STK3: variants seen among roughly 807,000 people sequenced by gnomAD.
The protein encoded by STK3 is serine/threonine-protein kinase 3.
STK3 carries 41 observed loss-of-function variants against 58.0 expected under a neutral mutation model. The observed-to-expected ratio is 0.71, with a 90% CI of 0.55 to 0.92. The LOEUF (loss-of-function observed/expected upper bound fraction) is 0.92, where lower values mean the gene tolerates loss of function less well. Ranked by LOEUF, STK3 falls within the 40% of genes least tolerant of loss-of-function variation. The pLI is 0.00. For synonymous variants in STK3, 170 were observed against 191.0 expected (o/e 0.89, Z 0.91); for missense variants, 479 against 602.7 (o/e 0.79, Z 2.15).
chr8:98,673,849 C>T (rs1823007154), intron 6 of STK3, among the ~76,000 whole-genome samples: 1 of 152,084 alleles, frequency 6.6e-6, no homozygotes, highest in South Asian at 2.1e-4. Flanking sequence ...AGCAGTGATA[C>T]AAAATGAGTT....
chr8:98,738,111 C>A (rs1054269306), intron 4 of STK3, among the ~76,000 whole-genome samples: 1 of 152,180 alleles, frequency 6.6e-6, no homozygotes, highest in Non-Finnish European at 1.5e-5. Context: ...TTAGTTAACA[C>A]AAATTATGAG....
At chr8:98,512,164 T>C (rs909567147) in intron 10 of STK3, among the ~76,000 whole-genome samples, 3 of 150,774 alleles carry the variant, frequency 2.0e-5, no homozygotes, top group African/African-American at 7.3e-5. Flanking sequence ...ATGTTCCCCC[T>C]CCTGTGTCCA....
intron 3 of STK3, chr8:98,413,743 G>A (rs1818083124): frequency 1.4e-6 from 1 of 739,804 alleles, no homozygotes; most frequent in South Asian, 1.4e-5. Flanking sequence ...ACCTTGGTCA[G>A]GTCATGCCTG....
intron 3 of STK3, among the ~76,000 whole-genome samples, chr8:98,760,504 C>A (rs1472011348): frequency 6.6e-6 from 1 of 151,802 alleles, no homozygotes. Context: ...GGTGGAAGAA[C>A]CAGGAAAACA....
intron 3 of STK3, among the ~76,000 whole-genome samples, chr8:98,424,385 G>A (rs1188305903): frequency 1.3e-5 from 2 of 152,184 alleles, no homozygotes. Context: ...TGTTGGCACA[G>A]CTCTCTCAGC....
At chr8:98,389,954 C>G (rs774124343), upstream of STK3, among the ~76,000 whole-genome samples, 23 of 151,974 alleles carry the variant, frequency 1.5e-4, no homozygotes, top group Non-Finnish European at 2.8e-4. Flanking sequence ...TTGACATGAT[C>G]TCACTTTCTG....
intron 6 of STK3, among the ~76,000 whole-genome samples, chr8:98,641,539 G>A (rs1003885858): frequency 1.3e-5 from 2 of 152,112 alleles, no homozygotes; most frequent in African/African-American, 4.8e-5. Context: ...ACATATATTA[G>A]TGAACAAAAG....
intron 2 of STK3, among the ~76,000 whole-genome samples, chr8:98,374,477 A>C (rs975034019): frequency 3.9e-5 from 6 of 152,256 alleles, no homozygotes; most frequent in Admixed American, 3.9e-4. Flanking sequence ...ACATTAGTTC[A>C]AATGTGAACA....
chr8:98,711,699 G>C (rs917695048), intron 4 of STK3, among the ~76,000 whole-genome samples: 1 of 152,186 alleles, frequency 6.6e-6, no homozygotes, highest in African/African-American at 2.4e-5. Context: ...AACCAAGTTG[G>C]AAAACACTCC....
At chr8:98,783,123 G>A (rs974068134) in intron 1 of STK3, among the ~76,000 whole-genome samples, 2 of 151,954 alleles carry the variant, frequency 1.3e-5, no homozygotes, top group African/African-American at 4.8e-5. Context: ...AAGACATATA[G>A]GCATATCTCA....
At chr8:98,814,853 G>C (rs894032046) in intron 1 of STK3, among the ~76,000 whole-genome samples, 3 of 151,942 alleles carry the variant, frequency 2.0e-5, no homozygotes, top group Non-Finnish European at 4.4e-5. Context: ...GCTAATTTTT[G>C]TATTTTTTTG....
At chr8:98,763,511 C>A (rs1028544714) in intron 3 of STK3, among the ~76,000 whole-genome samples, 1 of 151,992 alleles carries the variant, frequency 6.6e-6, no homozygotes, top group Non-Finnish European at 1.5e-5. Flanking sequence ...ATCTCATTTT[C>A]CCTATCAAAA....
chr8:98,544,649 A>AACACACACACACAC, intron 9 of STK3, among the ~76,000 whole-genome samples: 1 of 137,600 alleles, frequency 7.3e-6, no homozygotes, highest in East Asian at 2.2e-4. Flanking sequence ...ATTCTACTAT[A>AACACACACACACAC]ACACACACAC....
chr8:98,498,665 A>C (rs567262956), intron 10 of STK3, among the ~76,000 whole-genome samples: 4 of 152,296 alleles, frequency 2.6e-5, no homozygotes, highest in African/African-American at 9.6e-5. Context: ...ATAAGTCCTC[A>C]TCTTTCTTGG....
intron 10 of STK3, among the ~76,000 whole-genome samples, chr8:98,496,895 A>C (rs1823174665): frequency 6.6e-6 from 1 of 152,148 alleles, no homozygotes; most frequent in African/African-American, 2.4e-5. Context: ...TCTCATAACA[A>C]TGTGAATATA....
chr8:98,634,926 G>T (rs10755896), intron 6 of STK3, among the ~76,000 whole-genome samples: 41,129 of 151,774 alleles, frequency 0.27, 5,873 homozygotes, highest in East Asian at 0.41. Context: ...TATTTTGAGA[G>T]AATTCAAATG....
chr8:98,366,899 T>A (rs1013591984), downstream of STK3, among the ~76,000 whole-genome samples: 9 of 152,372 alleles, frequency 5.9e-5, no homozygotes, highest in African/African-American at 1.9e-4. Context: ...GCATGCCAAC[T>A]ACACATGCAT....
At chr8:98,451,264 G>A (rs1389656924), downstream of STK3, among the ~76,000 whole-genome samples, 2 of 152,032 alleles carry the variant, frequency 1.3e-5, no homozygotes, top group African/African-American at 4.8e-5. Context: ...CATGCATTGT[G>A]GGGAAACAAG....
intron 6 of STK3, among the ~76,000 whole-genome samples, chr8:98,683,657 A>G (rs1321989518): frequency 1.3e-5 from 2 of 152,158 alleles, no homozygotes; most frequent in Non-Finnish European, 2.9e-5. Flanking sequence ...AATTCAAAGA[A>G]AGAAAAGATT....
Sources: allele counts gnomAD v4.1 joint callset (sites outside exome capture counted in the v4.1 genomes callset), GRCh38; gene constraint gnomAD v4.1.1; transcripts MANE v1.5; gene names NCBI Gene and HGNC (gene_info 2026-07-23, HGNC 2026-07-21).